COL19A1: variants seen among roughly 807,000 people sequenced by gnomAD.
The protein encoded by COL19A1 is collagen type XIX alpha 1 chain.
Under a neutral mutation model 190.2 loss-of-function variants are expected in COL19A1, and 159 were observed. The ratio of observed to expected loss-of-function variants is 0.84; its 90% CI spans 0.73 to 0.95. The LOEUF is 0.95. Ranked by LOEUF, COL19A1 falls within the 40% of genes least tolerant of loss-of-function variation. COL19A1 has a pLI of 0.00. For synonymous variants in COL19A1, 509 were observed against 458.9 expected (o/e 1.11, Z -1.39); for missense variants, 1,418 against 1,431.9 (o/e 0.99, Z 0.16).
chr6:69,947,489 A>T (rs984000178), intron 9 of COL19A1, among the ~76,000 whole-genome samples: 1 of 151,822 alleles, frequency 6.6e-6, no homozygotes, highest in Non-Finnish European at 1.5e-5. Flanking sequence ...TTTTCCCTAT[A>T]TATGCCTATA....
chr6:69,873,034 G>A (rs113613029), intron 1 of COL19A1, among the ~76,000 whole-genome samples: 8 of 152,288 alleles, frequency 5.3e-5, no homozygotes, highest in Admixed American at 1.3e-4. Flanking sequence ...TTCTATGAGC[G>A]TTAGTGTTTT....
At chr6:69,940,037 T>C (rs1244888145) in intron 9 of COL19A1, among the ~76,000 whole-genome samples, 2 of 151,974 alleles carry the variant, frequency 1.3e-5, no homozygotes, top group Non-Finnish European at 2.9e-5. Flanking sequence ...AGGAAGAAAT[T>C]TCATGTGTTG....
chr6:69,925,901 G>A (rs1284732052), intron 4 of COL19A1, among the ~76,000 whole-genome samples: 1 of 152,142 alleles, frequency 6.6e-6, no homozygotes. Flanking sequence ...TGTTATTGGT[G>A]TATAAGAATG....
intron 34 of COL19A1, among the ~76,000 whole-genome samples, chr6:70,161,211 A>G (rs551468009): frequency 2.0e-4 from 31 of 152,300 alleles, no homozygotes; most frequent in Admixed American, 1.2e-3. Flanking sequence ...ATAAACTGAC[A>G]AGCTAAAATA....
chr6:70,048,230 A>T (rs1780010888), intron 14 of COL19A1, among the ~76,000 whole-genome samples: 1 of 152,158 alleles, frequency 6.6e-6, no homozygotes, highest in African/African-American at 2.4e-5. Flanking sequence ...TCAGCTGGTC[A>T]TTTATAAATC....
chr6:70,024,262 G>C (rs541071614), intron 12 of COL19A1, among the ~76,000 whole-genome samples: 1 of 152,136 alleles, frequency 6.6e-6, no homozygotes, highest in Admixed American at 6.5e-5. Context: ...TTGAAGGATG[G>C]CCCAAATGTG....
chr6:69,964,028 G>A (rs1774956120), intron 11 of COL19A1, among the ~76,000 whole-genome samples: 2 of 152,096 alleles, frequency 1.3e-5, no homozygotes, highest in South Asian at 4.1e-4. Context: ...TAACTCTTGT[G>A]TACATCAAAT....
intron 11 of COL19A1, among the ~76,000 whole-genome samples, chr6:70,021,809 A>G (rs1177279180): frequency 1.3e-5 from 2 of 152,162 alleles, no homozygotes; most frequent in East Asian, 3.8e-4. Context: ...ATTTAGTTTT[A>G]ATTTTAGTAG....
At chr6:69,990,727 A>C (rs565722389) in intron 11 of COL19A1, among the ~76,000 whole-genome samples, 1 of 152,162 alleles carries the variant, frequency 6.6e-6, no homozygotes, top group South Asian at 2.1e-4. Flanking sequence ...ACTACTTCAT[A>C]AATTGTATGG....
At chr6:70,043,112 GT>G (rs1779713552) in intron 14 of COL19A1, among the ~76,000 whole-genome samples, 1 of 151,512 alleles carries the variant, frequency 6.6e-6, no homozygotes, top group African/African-American at 2.4e-5. Flanking sequence ...GTAGAATGTT[GT>G]TTTTCAATTT....
chr6:70,102,243 C>G lies in COL19A1; in HGVS notation c.1278+21C>G, dbSNP rs772247318. On this transcript the variant is annotated intron_variant, in intron 16 of 50. Transcript: ENST00000620364. ...CACCTGTGAGTAAACAATACAATGACTGTCCCTTTAAAGAGTCTGTCTTTA... is the reference window on the plus strand; with the variant it reads ...CACCTGTGAGTAAACAATACAATGAGTGTCCCTTTAAAGAGTCTGTCTTTA... 3.2e-6 allele frequency: 5 copies of G among 1,561,154 alleles called. No individual in the cohort carries two copies. In the East Asian group the frequency reaches 8.9e-5, roughly 28 times the overall value.
At chr6:70,096,275 TTAGAAACGGGG>T (rs1783268663) in intron 15 of COL19A1, among the ~76,000 whole-genome samples, 1 of 151,372 alleles carries the variant, frequency 6.6e-6, no homozygotes. Flanking sequence ...TTTTTTTTTT[TTAGAAACGGGG>T]TTTTGCCATG....
At chr6:69,880,825 T>A (rs949988083) in intron 2 of COL19A1, among the ~76,000 whole-genome samples, 1 of 152,174 alleles carries the variant, frequency 6.6e-6, no homozygotes, top group Non-Finnish European at 1.5e-5. Flanking sequence ...GGAAAAGAGA[T>A]GTTAGAGCAG....
chr6:69,922,510 T>C (rs1203900060), intron 4 of COL19A1, among the ~76,000 whole-genome samples: 1 of 147,504 alleles, frequency 6.8e-6, no homozygotes, highest in Non-Finnish European at 1.5e-5. Flanking sequence ...ATATGGAGTC[T>C]TACTCTGTCA....
At chr6:69,879,738 G>T in intron 2 of COL19A1, 80 bp downstream of exon 2, 1 of 1,260,848 alleles carries the variant, frequency 7.9e-7, no homozygotes, top group Non-Finnish European at 1.1e-6. Flanking sequence ...TGTTAAGATT[G>T]AAAAGGCCAT....
At chr6:69,975,341 CAT>C (rs1391484059) in intron 11 of COL19A1, among the ~76,000 whole-genome samples, 6 of 152,266 alleles carry the variant, frequency 3.9e-5, no homozygotes, top group African/African-American at 1.2e-4. Context: ...AGCAGTCATT[CAT>C]ATAGGCAGTT....
intron 11 of COL19A1, among the ~76,000 whole-genome samples, chr6:69,971,181 C>A (rs1775401295): frequency 6.6e-6 from 1 of 151,976 alleles, no homozygotes; most frequent in East Asian, 1.9e-4. Context: ...CTATAAAGGG[C>A]TATAATATTT....
intron 15 of COL19A1, among the ~76,000 whole-genome samples, chr6:70,091,225 G>A (rs545963444): frequency 6.6e-6 from 1 of 152,230 alleles, no homozygotes; most frequent in East Asian, 1.9e-4. Flanking sequence ...GGTGTTTACT[G>A]GCCCCATAAC....
intron 14 of COL19A1, among the ~76,000 whole-genome samples, chr6:70,048,968 T>C (rs1048296144): frequency 3.9e-5 from 6 of 151,960 alleles, no homozygotes; most frequent in African/African-American, 1.4e-4. Context: ...AAGAGCGTAA[T>C]TCCTCTTTCC....
Sources: gnomAD v4.1 joint callset for allele counts (sites outside exome capture counted in the v4.1 genomes callset) on GRCh38, gnomAD v4.1.1 for gene constraint, MANE v1.5 for transcripts, NCBI Gene and HGNC (gene_info 2026-07-23, HGNC 2026-07-21) for gene names.